The following TESK2 variants were observed in gnomAD, a reference collection of about 807,000 sequenced individuals.
TESK2 encodes dual specificity testis-specific protein kinase 2.
In TESK2, 39 loss-of-function variants were observed where a neutral mutation model predicts 57.1. That is an observed-to-expected ratio of 0.68 (90% CI 0.53 to 0.89). TESK2 has a LOEUF of 0.89. Ranked by LOEUF, TESK2 falls within the 40% of genes least tolerant of loss-of-function variation. The probability of loss-of-function intolerance (pLI) is 0.00; values close to 1 mark genes in which losing one functional copy is unlikely to be tolerated. For synonymous variants in TESK2, 249 were observed against 267.9 expected, an observed-to-expected ratio of 0.93 and a Z score of 0.69; for missense variants, 646 against 732.1, an observed-to-expected ratio of 0.88 and a Z score of 1.36.
chr1:45,481,356 C>T (rs889587360), intron 1 of TESK2, among the ~76,000 whole-genome samples: 1 of 151,924 alleles, frequency 6.6e-6, no homozygotes, highest in African/African-American at 2.4e-5. Flanking sequence ...CAGAGCAACA[C>T]TCCGTCTCAA....
intron 2 of TESK2, among the ~76,000 whole-genome samples, chr1:45,436,043 T>C (rs1416028217): frequency 2.0e-5 from 3 of 152,074 alleles, no homozygotes; most frequent in Middle Eastern, 3.2e-3. Context: ...GTAATATATA[T>C]TGAAGTCAGG....
chr1:45,354,086 A>G (rs1211279625), intron 5 of TESK2, among the ~76,000 whole-genome samples: 1 of 152,238 alleles, frequency 6.6e-6, no homozygotes, highest in African/African-American at 2.4e-5. Context: ...ATAGGCCCCT[A>G]TACTGCCTTG....
chr1:45,453,305 G>A (rs950617164), intron 2 of TESK2, among the ~76,000 whole-genome samples: 1 of 137,892 alleles, frequency 7.3e-6, no homozygotes, highest in East Asian at 2.2e-4. Flanking sequence ...TAGCACCACT[G>A]TACTCCAGCC....
chr1:45,428,670 T>G (rs1352612636), intron 2 of TESK2, among the ~76,000 whole-genome samples: 1 of 151,874 alleles, frequency 6.6e-6, no homozygotes, highest in Non-Finnish European at 1.5e-5. Flanking sequence ...GCCCAGCTAA[T>G]TTTTATATAT....
intron 3 of TESK2, among the ~76,000 whole-genome samples, chr1:45,420,180 T>C (rs1459574558): frequency 2.6e-5 from 4 of 152,198 alleles, no homozygotes; most frequent in African/African-American, 9.7e-5. Context: ...ATCACACCTG[T>C]AATCCCAGCC....
At chr1:45,471,879 G>A (rs990725099) in intron 1 of TESK2, among the ~76,000 whole-genome samples, 3 of 152,078 alleles carry the variant, frequency 2.0e-5, no homozygotes, top group African/African-American at 7.2e-5. Flanking sequence ...GAACTCCTAA[G>A]CTCAAGGGAT....
At chr1:45,431,224 C>T (rs533019944) in intron 2 of TESK2, among the ~76,000 whole-genome samples, 74 of 152,256 alleles carry the variant, frequency 4.9e-4, no homozygotes, top group Non-Finnish European at 7.5e-4. Flanking sequence ...CGAGACCATC[C>T]TGGCTAATAT....
At chr1:45,347,505 C>T (rs36073046) in intron 7 of TESK2, 104 bp downstream of exon 7, 13,240 of 1,094,102 alleles carry the variant, frequency 0.012, 140 homozygotes, top group Middle Eastern at 0.026. Flanking sequence ...GGCAGTAAGC[C>T]GAGATCGTGC....
At chr1:45,439,025 A>G (rs867644836) in intron 2 of TESK2, among the ~76,000 whole-genome samples, 1 of 152,210 alleles carries the variant, frequency 6.6e-6, no homozygotes, top group Non-Finnish European at 1.5e-5. Context: ...AGGCCACCGT[A>G]GAAGCACCAG....
intron 3 of TESK2, among the ~76,000 whole-genome samples, chr1:45,412,900 G>C (rs960186235): frequency 2.0e-5 from 3 of 151,962 alleles, no homozygotes; most frequent in African/African-American, 7.3e-5. Flanking sequence ...TACGCCTGCA[G>C]TCCCAGCTAC....
At chr1:45,430,742 G>A (rs1386964016) in intron 2 of TESK2, among the ~76,000 whole-genome samples, 1 of 152,158 alleles carries the variant, frequency 6.6e-6, no homozygotes, top group Non-Finnish European at 1.5e-5. Flanking sequence ...CCTCTTTGGC[G>A]ACATTTCATG....
intron 2 of TESK2, among the ~76,000 whole-genome samples, chr1:45,429,850 T>C (rs1048710506): frequency 2.6e-5 from 4 of 152,204 alleles, no homozygotes; most frequent in Non-Finnish European, 4.4e-5. Context: ...AATCAGTTAC[T>C]TTTCTGTTGT....
In TESK2 at chr1:45,466,334, G is replaced by A. The variant is rs1446412530; in HGVS notation, c.-86-8463C>T. Among the ~76,000 whole-genome samples the A allele has an allele frequency of 3.9e-5, 6 of 152,096 alleles. No individual in the cohort carries two copies. The East Asian group carries it at 1.2e-3, about 29-fold the overall frequency. On this transcript the variant is annotated intron_variant, in intron 1 of 10. Coordinates refer to ENST00000372086, the MANE Select transcript of TESK2 (RefSeq NM_007170.3). Reference sequence around the variant, plus strand: ...TACTAAAAATGCAAAAAATATCTGGGCGTGGTGGTGTGCACCTGTAGTCCC... The same window carrying A: ...TACTAAAAATGCAAAAAATATCTGGACGTGGTGGTGTGCACCTGTAGTCCC...
chr1:45,354,877 C>G (rs1471584665), intron 5 of TESK2, among the ~76,000 whole-genome samples: 1 of 126,762 alleles, frequency 7.9e-6, no homozygotes, highest in African/African-American at 3.0e-5. Flanking sequence ...TGAAAGGAAC[C>G]TGCTATAAGA....
In TESK2 at chr1:45,347,073, G is replaced by A; in HGVS notation, c.709-11C>T. 2 of 1,613,978 alleles carry A rather than the reference G, an allele frequency of 1.2e-6. No homozygotes were observed. Among genetic ancestry groups the A allele is most frequent in the Non-Finnish European group, 1.7e-6 (2 of 1,179,852 alleles). ...AGAGAACACATCTGCCTGGTGGGTA[G>A]TCGGACTTTGGTTTCCCTCTTAATG... On this transcript the variant is annotated splice_polypyrimidine_tract_variant and intron_variant, in intron 7 of 10. Coordinates refer to ENST00000372086, the MANE Select transcript of TESK2 (RefSeq NM_007170.3).
chr1:45,387,885 T>C (rs1648967695), intron 3 of TESK2, among the ~76,000 whole-genome samples: 1 of 152,146 alleles, frequency 6.6e-6, no homozygotes. Flanking sequence ...CAGGTGCCTG[T>C]AGTCCCAGCT....
At chr1:45,471,712 A>G (rs1009193701) in intron 1 of TESK2, among the ~76,000 whole-genome samples, 1 of 152,030 alleles carries the variant, frequency 6.6e-6, no homozygotes, top group Non-Finnish European at 1.5e-5. Flanking sequence ...AAACAAGATA[A>G]TTGTTAATGA....
At chr1:45,455,995 A>C (rs1018254746) in intron 2 of TESK2, among the ~76,000 whole-genome samples, 5 of 151,396 alleles carry the variant, frequency 3.3e-5, no homozygotes, top group Non-Finnish European at 5.9e-5. Flanking sequence ...GAGTTCAAGA[A>C]CAGCCTGGGC....
intron 4 of TESK2, among the ~76,000 whole-genome samples, chr1:45,380,725 C>T (rs947131707): frequency 2.0e-5 from 3 of 152,202 alleles, no homozygotes; most frequent in Admixed American, 2.0e-4. Context: ...TAATAAACTG[C>T]TAAAATTCCA....
Sources: gnomAD v4.1 joint callset for allele counts (sites outside exome capture counted in the v4.1 genomes callset) on GRCh38, gnomAD v4.1.1 for gene constraint, MANE v1.5 for transcripts, NCBI Gene and HGNC (gene_info 2026-07-23, HGNC 2026-07-21) for gene names.